The following LRRTM4 variants were observed in gnomAD, a reference collection of about 807,000 sequenced individuals.
LRRTM4 encodes the protein leucine-rich repeat transmembrane neuronal protein 4.
A neutral mutation model predicts 47.6 loss-of-function variants in LRRTM4; 25 were observed. The observed-to-expected ratio is 0.53, with a 90% CI of 0.38 to 0.73. LRRTM4 has a LOEUF of 0.73. Among genes scored for constraint, LRRTM4 ranks in the 30% least tolerant of loss-of-function variants. The probability of loss-of-function intolerance (pLI) is 0.00; values close to 1 mark genes in which losing one functional copy is unlikely to be tolerated. For missense variants in LRRTM4, 638 were observed against 713.4 expected (o/e 0.89, Z 1.20); for synonymous variants, 311 against 269.5 (o/e 1.15, Z -1.51).
At chr2:76,785,333 T>C (rs866437610) in intron 3 of LRRTM4, among the ~76,000 whole-genome samples, 1 of 152,116 alleles carries the variant, frequency 6.6e-6, no homozygotes, top group African/African-American at 2.4e-5. Flanking sequence ...AAATTAATAA[T>C]AAGAAGGATT....
Position 77,407,715 on chromosome 2 carries a change from AT to A in LRRTM4, c.1551+110602del, listed in dbSNP as rs1674267497. 2.4e-5 allele frequency among the ~76,000 whole-genome samples: 3 copies of A among 122,514 alleles called. 1 individual carries two copies. Among genetic ancestry groups the A allele is most frequent in the Admixed American group, 8.1e-5 (1 of 12,402 alleles). The allele number at this position is 122,514 out of a possible 152,430, so 80.4% of individuals were successfully genotyped here. ...ATATATGATATATATAATATATCATATATTATATTATATATTATATATTATA... is the reference window on the plus strand; with the variant it reads ...ATATATGATATATATAATATATCATAATTATATTATATATTATATATTATA... On this transcript the variant is annotated intron_variant, in intron 3 of 3. Transcript: ENST00000409884.
intron 3 of LRRTM4, among the ~76,000 whole-genome samples, chr2:77,403,944 A>AT (rs1674066477): frequency 6.6e-6 from 1 of 151,410 alleles, no homozygotes; most frequent in Non-Finnish European, 1.5e-5. Flanking sequence ...ATGGAAGAAA[A>AT]ATATATATGA....
intron 3 of LRRTM4, among the ~76,000 whole-genome samples, chr2:77,190,663 C>T (rs1424421042): frequency 6.6e-6 from 1 of 152,096 alleles, no homozygotes; most frequent in Non-Finnish European, 1.5e-5. Flanking sequence ...AGTCAGCTGG[C>T]CATGCATTCT....
intron 3 of LRRTM4, among the ~76,000 whole-genome samples, chr2:76,868,436 A>G (rs960252957): frequency 1.2e-4 from 19 of 152,170 alleles, no homozygotes; most frequent in Non-Finnish European, 2.2e-4. Flanking sequence ...TCTCATTTAT[A>G]TAGCACCTTT....
At chr2:77,342,334 T>A (rs1018687424) in intron 3 of LRRTM4, among the ~76,000 whole-genome samples, 5 of 151,866 alleles carry the variant, frequency 3.3e-5, no homozygotes, top group Non-Finnish European at 7.4e-5. Flanking sequence ...GGTCAGGAAT[T>A]TTTATTCATT....
chr2:76,796,371 G>A (rs1440946408), intron 3 of LRRTM4, among the ~76,000 whole-genome samples: 3 of 129,290 alleles, frequency 2.3e-5, no homozygotes, highest in Non-Finnish European at 3.3e-5. Flanking sequence ...GCAGGGCACA[G>A]ACAAACAAAA....
chr2:77,048,109 T>G (rs1679294719), intron 3 of LRRTM4, among the ~76,000 whole-genome samples: 1 of 152,018 alleles, frequency 6.6e-6, no homozygotes. Flanking sequence ...GAAAATAAAG[T>G]CAAATGCAGA....
At chr2:77,428,859 G>A (rs1573401358) in intron 3 of LRRTM4, among the ~76,000 whole-genome samples, 1 of 152,138 alleles carries the variant, frequency 6.6e-6, no homozygotes, top group Non-Finnish European at 1.5e-5. Context: ...GAATTCATCG[G>A]TATGTCCCAA....
chr2:77,500,409 G>A (rs1165633118), intron 3 of LRRTM4, among the ~76,000 whole-genome samples: 1 of 151,304 alleles, frequency 6.6e-6, no homozygotes, highest in Non-Finnish European at 1.5e-5. Flanking sequence ...TATTGTTTCT[G>A]GTTGTAATAA....
chr2:77,450,384 C>T (rs1676212300), intron 3 of LRRTM4, among the ~76,000 whole-genome samples: 1 of 151,846 alleles, frequency 6.6e-6, no homozygotes, highest in Admixed American at 6.6e-5. Flanking sequence ...TAATCACATG[C>T]TATTAACATT....
In LRRTM4 at chr2:77,209,110, C is replaced by T. The variant is rs116175029; in HGVS notation, c.1551+309208G>A. On this transcript the variant is annotated intron_variant, in intron 3 of 3. Coordinates refer to ENST00000409884, the MANE Select transcript of LRRTM4 (RefSeq NM_001134745.3). ...ACATGGCTCCCTCCATTCCAATTTC[C>T]GAGAGGACTTAAGTAATTAAGACTT... Among the ~76,000 whole-genome samples the T allele has an allele frequency of 5.1e-3, 780 of 152,172 alleles. 9 individuals are homozygous for T. The highest frequency in any genetic ancestry group is 0.018 in the African/African-American group (749 of 41,522).
At chr2:76,854,558 G>T (rs970340150) in intron 3 of LRRTM4, among the ~76,000 whole-genome samples, 2 of 152,076 alleles carry the variant, frequency 1.3e-5, no homozygotes, top group African/African-American at 2.4e-5. Context: ...CAAAAATCCT[G>T]ATTTGTAGCA....
At chr2:77,520,819 A>G (rs886115010) in intron 2 of LRRTM4, among the ~76,000 whole-genome samples, 1 of 151,760 alleles carries the variant, frequency 6.6e-6, no homozygotes, top group Non-Finnish European at 1.5e-5. Flanking sequence ...GTTACAATCT[A>G]TTGGCACTTA....
At chr2:76,971,941 G>A (rs1016042460) in intron 3 of LRRTM4, among the ~76,000 whole-genome samples, 3 of 152,154 alleles carry the variant, frequency 2.0e-5, no homozygotes, top group East Asian at 1.9e-4. Flanking sequence ...CATGGTGACA[G>A]TGCTGTATTT....
In LRRTM4 at chr2:77,004,266, G is replaced by A. The variant is rs115636279; in HGVS notation, c.1552-255350C>T. On this transcript the variant is annotated intron_variant, in intron 3 of 3. Transcript: ENST00000409884. ...ATCATAAGCTCAGACGCCTAGGAGG[G>A]AAAAATGGTTTCCTGGGCTGGGTCC... Among the ~76,000 whole-genome samples, 810 of 152,268 alleles carry A rather than the reference G, an allele frequency of 5.3e-3. 8 individuals carry two copies. Among genetic ancestry groups the A allele is most frequent in the African/African-American group, 0.019 (775 of 41,556 alleles).
intron 3 of LRRTM4, among the ~76,000 whole-genome samples, chr2:77,423,638 T>C (rs1674990018): frequency 6.6e-6 from 1 of 152,194 alleles, no homozygotes; most frequent in African/African-American, 2.4e-5. Context: ...TGGAATAGGA[T>C]GGAAGGGGCA....
intron 3 of LRRTM4, among the ~76,000 whole-genome samples, chr2:77,038,552 C>A (rs531791580): frequency 1.3e-5 from 2 of 151,326 alleles, no homozygotes; most frequent in Admixed American, 1.3e-4. Flanking sequence ...ATTCTGTATC[C>A]CCTTCAGTTG....
intron 3 of LRRTM4, among the ~76,000 whole-genome samples, chr2:76,991,733 T>C (rs1276646286): frequency 6.6e-6 from 1 of 151,698 alleles, no homozygotes; most frequent in Non-Finnish European, 1.5e-5. Flanking sequence ...CCAATTCTAC[T>C]GAAACTATTC....
intron 3 of LRRTM4, among the ~76,000 whole-genome samples, chr2:77,472,247 G>A (rs1251443742): frequency 6.6e-6 from 1 of 152,106 alleles, no homozygotes; most frequent in Non-Finnish European, 1.5e-5. Context: ...ATGTGTGTTA[G>A]GTGATCTTCC....
Sources: gnomAD v4.1 joint callset for allele counts (sites outside exome capture counted in the v4.1 genomes callset) on GRCh38, gnomAD v4.1.1 for gene constraint, MANE v1.5 for transcripts, NCBI Gene and HGNC (gene_info 2026-07-23, HGNC 2026-07-21) for gene names.